EPHA6: variants seen among roughly 807,000 people sequenced by gnomAD.
EPHA6 encodes EPH receptor A6, also known as ephrin type-A receptor 6.
Under a neutral mutation model 112.0 loss-of-function variants are expected in EPHA6, and 50 were observed. That is an observed-to-expected ratio of 0.45 (90% CI 0.36 to 0.56). The LOEUF is 0.56. EPHA6 is among the 20% of genes least tolerant of loss of function. The pLI is 0.00. For missense variants in EPHA6, 1,280 were observed against 1,417.4 expected (o/e 0.90, Z 1.56); for synonymous variants, 529 against 490.7 (o/e 1.08, Z -1.03).
intron 2 of EPHA6, among the ~76,000 whole-genome samples, chr3:96,982,033 G>GT (rs1259763206): frequency 2.6e-5 from 4 of 152,042 alleles, no homozygotes; most frequent in African/African-American, 7.2e-5. Context: ...TTTTTGAAGG[G>GT]TTTTTTGTGT....
chr3:97,365,678 G>A (rs373314599), intron 5 of EPHA6, among the ~76,000 whole-genome samples: 3 of 152,246 alleles, frequency 2.0e-5, no homozygotes, highest in South Asian at 2.1e-4. Context: ...GTCAGCCACC[G>A]TGCCCAGCCA....
In EPHA6 at chr3:96,879,484, T is replaced by A. The variant is rs114475598; in HGVS notation, c.450+12595T>A. On this transcript the variant is annotated intron_variant, in intron 2 of 17. Coordinates refer to ENST00000389672, the MANE Select transcript of EPHA6 (RefSeq NM_001080448.3). ...CAGGGGAGGGAAAAAGAGACATTGG[T>A]CAATGTGGACAAAGTTAGAGTTAGG... 3.3e-3 allele frequency among the ~76,000 whole-genome samples: 509 copies of A among 152,166 alleles called. 4 individuals are homozygous for A. Among genetic ancestry groups the A allele is most frequent in the African/African-American group, 0.012 (483 of 41,524 alleles).
chr3:97,604,810 A>T (rs1365685686), intron 12 of EPHA6, among the ~76,000 whole-genome samples: 1 of 151,696 alleles, frequency 6.6e-6, no homozygotes, highest in Non-Finnish European at 1.5e-5. Flanking sequence ...CTAATTTAGG[A>T]TTAAAAATTA....
intron 3 of EPHA6, among the ~76,000 whole-genome samples, chr3:97,092,220 C>A (rs1017454257): frequency 6.6e-6 from 1 of 151,764 alleles, no homozygotes; most frequent in African/African-American, 2.4e-5. Flanking sequence ...TTTACTCTTT[C>A]TTTTATTTAA....
chr3:97,647,148 A>C (rs2094071051), intron 14 of EPHA6, among the ~76,000 whole-genome samples: 1 of 152,158 alleles, frequency 6.6e-6, no homozygotes, highest in Admixed American at 6.6e-5. Context: ...GTTATTCTTC[A>C]GAACTACAAG....
intron 3 of EPHA6, among the ~76,000 whole-genome samples, chr3:97,195,130 T>C (rs2077406101): frequency 6.6e-6 from 1 of 152,030 alleles, no homozygotes; most frequent in African/African-American, 2.4e-5. Context: ...TTACAGCTTG[T>C]TTTGTGGTCT....
At chr3:97,319,440 G>A (rs2081996780) in intron 5 of EPHA6, among the ~76,000 whole-genome samples, 1 of 151,328 alleles carries the variant, frequency 6.6e-6, no homozygotes, top group African/African-American at 2.4e-5. Context: ...GGCTGAGGTG[G>A]GCGGAGCATT....
chr3:97,728,790 ATGT>A (rs2034897519), intron 15 of EPHA6, among the ~76,000 whole-genome samples: 1 of 152,164 alleles, frequency 6.6e-6, no homozygotes, highest in African/African-American at 2.4e-5. Flanking sequence ...TCCTTCTCTA[ATGT>A]TGTTTCCATG....
intron 5 of EPHA6, among the ~76,000 whole-genome samples, chr3:97,381,370 C>A (rs1256260215): frequency 6.6e-6 from 1 of 151,974 alleles, no homozygotes; most frequent in South Asian, 2.1e-4. Context: ...CTTTAAAAAC[C>A]CTGTGACATA....
Position 97,244,232 on chromosome 3 carries a change from G to A in EPHA6, c.1551G>A (p.Glu517=). 6.2e-7 allele frequency: 1 copy of A among 1,613,218 alleles called. No individual in the cohort carries two copies. Among genetic ancestry groups the A allele is most frequent in the African/African-American group, 1.3e-5 (1 of 75,000 alleles). ...TAGAAGCAATGAATGGAGTTTCTGA[G>A]TTGAGTTTTTCTCCCAAGCCATTCA... is the stretch of plus-strand genomic sequence containing the variant. ...FEIEAMNGVS[E]LSFSPKPFTA... is the part of the protein sequence containing the mutation. The change falls in exon 5 of 18, where the codon GAG becomes GAA. Residue 517 remains glutamate (E), a synonymous_variant. Transcript: ENST00000389672.
At chr3:97,536,019 A>C (rs1282453426) in intron 11 of EPHA6, among the ~76,000 whole-genome samples, 1 of 152,174 alleles carries the variant, frequency 6.6e-6, no homozygotes, top group Non-Finnish European at 1.5e-5. Flanking sequence ...TTTGTTTGAT[A>C]TGCATCACAA....
intron 4 of EPHA6, among the ~76,000 whole-genome samples, chr3:97,230,833 C>A (rs1461255015): frequency 6.6e-6 from 1 of 151,916 alleles, no homozygotes; most frequent in Non-Finnish European, 1.5e-5. Context: ...TCACAGTAAA[C>A]CAGGACAGGA....
rs202122405 is a variant in EPHA6 at position 96,948,156 on chromosome 3, G to A, written c.451-39174G>A. Among the ~76,000 whole-genome samples the A allele has an allele frequency of 3.3e-5, 5 of 151,944 alleles. No homozygotes were observed. The East Asian group carries it at 7.7e-4, about 23-fold the overall frequency. On this transcript the variant is annotated intron_variant, in intron 2 of 17. Coordinates refer to ENST00000389672, the MANE Select transcript of EPHA6 (RefSeq NM_001080448.3). ...GAAGGCAAAAACTGTTTTTTTAATT[G>A]CACTTTGGCAAAGTTTATCTTTGCA...
chr3:97,357,518 G>T (rs548834416), intron 5 of EPHA6, among the ~76,000 whole-genome samples: 67 of 152,072 alleles, frequency 4.4e-4, no homozygotes, highest in Non-Finnish European at 8.8e-4. Context: ...TGTATAGTTG[G>T]TCATATGTTT....
At chr3:97,498,330 CAAAAAAA>C (rs1297962805) in intron 10 of EPHA6, among the ~76,000 whole-genome samples, 1 of 58,496 alleles carries the variant, frequency 1.7e-5, no homozygotes, top group Non-Finnish European at 4.8e-5. Context: ...AAGAAAATAG[CAAAAAAA>C]AAAAAAAAAA....
intron 5 of EPHA6, among the ~76,000 whole-genome samples, chr3:97,312,185 C>T (rs1011941040): frequency 3.3e-5 from 5 of 151,352 alleles, no homozygotes; most frequent in African/African-American, 7.3e-5. Flanking sequence ...GTATAAGATC[C>T]TTTTATTTTT....
intron 11 of EPHA6, among the ~76,000 whole-genome samples, chr3:97,573,641 G>A (rs375563777): frequency 6.6e-6 from 1 of 151,762 alleles, no homozygotes; most frequent in Non-Finnish European, 1.5e-5. Context: ...TGTGCACATT[G>A]TGCAGGTTAG....
rs555590979 is a variant in EPHA6 at position 97,646,075 on chromosome 3, G to T, written c.2784+7993G>T. ...AGCTATCCTTTTCTAATCAAAATAC[G>T]GACAGAATAGGCATTTTCCATTAAA... On this transcript the variant is annotated intron_variant, in intron 14 of 17. Transcript: ENST00000389672. 7.1e-6 allele frequency: 10 copies of T among 1,400,570 alleles called. No homozygotes were observed. The African/African-American group carries it at 1.4e-4, about 20-fold the overall frequency. 86.8% of individuals were successfully genotyped at this position (1,400,570 alleles called of 1,614,324 possible). A position where few individuals can be genotyped will look rare whatever the true frequency, so the allele number is the denominator to read the frequency against.
chr3:97,454,744 G>C (rs1211754081), intron 7 of EPHA6, among the ~76,000 whole-genome samples: 1 of 151,742 alleles, frequency 6.6e-6, no homozygotes, highest in African/African-American at 2.4e-5. Context: ...CAGTCTGTTG[G>C]TTGAAGCACA....
Sources: gnomAD v4.1 joint callset for allele counts (sites outside exome capture counted in the v4.1 genomes callset) on GRCh38, gnomAD v4.1.1 for gene constraint, MANE v1.5 for transcripts, NCBI Gene and HGNC (gene_info 2026-07-23, HGNC 2026-07-21) for gene names.